USP38: variants seen among roughly 807,000 people sequenced by gnomAD.
USP38 encodes the protein ubiquitin carboxyl-terminal hydrolase 38.
A neutral mutation model predicts 94.3 loss-of-function variants in USP38; 49 were observed. The ratio of observed to expected loss-of-function variants is 0.52; its 90% confidence interval spans 0.41 to 0.66. The LOEUF (loss-of-function observed/expected upper bound fraction) is 0.66. Ranked by LOEUF, USP38 falls within the 30% of genes least tolerant of loss-of-function variation. The pLI, the probability that USP38 is intolerant of heterozygous loss-of-function variation, is 0.00. For synonymous variants in USP38, 468 were observed against 463.6 expected (o/e 1.01, Z -0.12); for missense variants, 1,128 against 1,229.4 (o/e 0.92, Z 1.23).
intron 8 of USP38, among the ~76,000 whole-genome samples, chr4:143,213,063 C>T (rs548953457): frequency 5.9e-5 from 9 of 152,100 alleles, no homozygotes; most frequent in Non-Finnish European, 1.2e-4. Context: ...AATTTAAGAA[C>T]CACTCCTTTA....
Position 143,197,902 on chromosome 4 carries a change from A to G in USP38, c.1028A>G (p.His343Arg). The G allele has an allele frequency of 6.2e-7, 1 of 1,613,728 alleles. No homozygotes were observed. Among genetic ancestry groups the G allele is most frequent in the Non-Finnish European group, 8.5e-7 (1 of 1,179,740 alleles). The change falls in exon 4 of 10, where the codon CAT becomes CGT. Residue 343 changes from histidine (H) to arginine (R), a missense_variant. Coordinates refer to ENST00000307017, the MANE Select transcript of USP38 (RefSeq NM_032557.6). The part of the protein sequence containing the change: ...VLSHMLLSFQ[H>R]SPEAFHLIVP... ...TCTCACATGCTGCTTAGCTTTCAGC[A>G]TTCTCCAGAGGCGTTCCATTTGGTA...
chr4:143,185,374 G>A lies in USP38; in HGVS notation c.-77G>A. 6.8e-7 allele frequency: 1 copy of A among 1,471,728 alleles called. No individual in the cohort carries two copies. The highest frequency in any genetic ancestry group is 9.1e-7 in the Non-Finnish European group (1 of 1,103,626). The allele number at this position is 1,471,728 out of a possible 1,614,324, so 91.2% of individuals were successfully genotyped here. A position where few individuals can be genotyped will look rare whatever the true frequency, so the allele number is the denominator to read the frequency against. ...GGCGCTCCAAGTTCATCTCCGCCCC[G>A]GGGCTCTCCTGCCCCACCTCGGGGC... On this transcript the variant is annotated 5_prime_UTR_variant, in exon 1 of 10. Coordinates refer to ENST00000307017, the MANE Select transcript of USP38 (RefSeq NM_032557.6).
chr4:143,209,489 CAA>C (rs111830994), intron 6 of USP38, 73 bp from the exon 7 acceptor site: 4,961 of 681,566 alleles, frequency 7.3e-3, no homozygotes, highest in Middle Eastern at 0.012. Flanking sequence ...AACTCTGTCT[CAA>C]AAAAAAAAAA....
chr4:143,187,011 C>T (rs184507241), intron 1 of USP38, among the ~76,000 whole-genome samples: 1 of 152,260 alleles, frequency 6.6e-6, no homozygotes, highest in East Asian at 1.9e-4. Flanking sequence ...TTTTAACAAA[C>T]GTTCTGTGTT....
chr4:143,194,240 A>G (rs748265502), intron 2 of USP38, among the ~76,000 whole-genome samples: 15 of 152,208 alleles, frequency 9.9e-5, no homozygotes, highest in Non-Finnish European at 1.6e-4. Context: ...GGCATTCACA[A>G]TGTTTCCAGT....
chr4:143,202,260 C>G (rs1458589532), intron 4 of USP38, among the ~76,000 whole-genome samples: 1 of 152,048 alleles, frequency 6.6e-6, no homozygotes, highest in Non-Finnish European at 1.5e-5. Context: ...GAAGGTAATG[C>G]AAAAGCTACA....
Position 143,201,274 on chromosome 4 carries a change from T to A in USP38, c.1051-2134T>A, listed in dbSNP as rs550485192. The stretch of plus-strand genomic sequence containing the variant: ...TTGACAAAGCTGTCAAAACAAGCAA[T>A]GGGGAAAAGGCTCCCTCTTCAATAA... On this transcript the variant is annotated intron_variant, in intron 4 of 9. Transcript: ENST00000307017. 3.0e-4 allele frequency among the ~76,000 whole-genome samples: 46 copies of A among 152,214 alleles called. 1 individual carries two copies. In the South Asian group the frequency reaches 8.5e-3, roughly 28 times the overall value.
rs1553936167 is a variant in USP38, at chr4:143,222,466, C to CTT, written c.*2010_*2011insTT. On this transcript the variant is annotated 3_prime_UTR_variant, in exon 10 of 10. Coordinates refer to ENST00000307017, the MANE Select transcript of USP38 (RefSeq NM_032557.6). ...ATTAGATATGATTGCATAGCACTTA[C>CTT]GTTGTGCTATGTAGTTGTTATATTG... The CTT allele has an allele frequency of 6.6e-6, 1 of 151,968 alleles. No individual in the cohort carries two copies. Among genetic ancestry groups the CTT allele is most frequent in the Non-Finnish European group, 1.5e-5 (1 of 67,942 alleles). The allele number at this position is 151,968 out of a possible 1,614,324, so 9.4% of individuals were successfully genotyped here.
At chr4:143,187,655 G>A (rs1731267470) in intron 1 of USP38, among the ~76,000 whole-genome samples, 171 bp from the exon 2 acceptor site, 1 of 151,942 alleles carries the variant, frequency 6.6e-6, no homozygotes, top group Admixed American at 6.6e-5. Flanking sequence ...TTTCATTCCT[G>A]TAATTTAACA....
chr4:143,204,876 TCTTTA>T (rs1409741105), intron 5 of USP38, among the ~76,000 whole-genome samples: 36 of 152,336 alleles, frequency 2.4e-4, no homozygotes, highest in South Asian at 1.0e-3. Context: ...GGTCTTATTA[TCTTTA>T]CTTCTGTATC....
chr4:143,208,248 A>G (rs1360889837), intron 6 of USP38, among the ~76,000 whole-genome samples: 1 of 152,118 alleles, frequency 6.6e-6, no homozygotes, highest in Admixed American at 6.5e-5. Flanking sequence ...ATGAGATTTA[A>G]TAAATAAGTT....
At chr4:143,189,992 A>G (rs897052251) in intron 2 of USP38, among the ~76,000 whole-genome samples, 6 of 151,826 alleles carry the variant, frequency 4.0e-5, no homozygotes, top group African/African-American at 1.5e-4. Context: ...TTGACTTCCA[A>G]GTCTTTATGT....
chr4:143,199,134 C>T (rs964271369), intron 4 of USP38, among the ~76,000 whole-genome samples: 3 of 152,116 alleles, frequency 2.0e-5, no homozygotes, highest in African/African-American at 7.2e-5. Context: ...TCTACCTCCT[C>T]CCACTCTCCC....
chr4:143,213,454 C>T (rs1732083681), intron 8 of USP38, 127 bp from the exon 9 acceptor site: 2 of 1,106,026 alleles, frequency 1.8e-6, no homozygotes, highest in Non-Finnish European at 1.2e-6. Context: ...TTAATTAAAA[C>T]AGGAAAAACC....
intron 4 of USP38, 107 bp from the exon 5 acceptor site, chr4:143,203,301 C>A: frequency 8.8e-7 from 1 of 1,133,216 alleles, no homozygotes; most frequent in Non-Finnish European, 1.2e-6. Flanking sequence ...ACTGCACATA[C>A]AGAAAAGTAT....
At chr4:143,198,543 A>T (rs1731621208) in intron 4 of USP38, among the ~76,000 whole-genome samples, 1 of 152,198 alleles carries the variant, frequency 6.6e-6, no homozygotes, top group African/African-American at 2.4e-5. Context: ...GTTTTATAGG[A>T]CTAGAAACTC....
chr4:143,187,769 T>C, intron 1 of USP38, 57 bp from the exon 2 acceptor site: 2 of 1,539,744 alleles, frequency 1.3e-6, no homozygotes, highest in African/African-American at 1.4e-5. Flanking sequence ...GTGTTGTTCT[T>C]TTTAAATACT....
chr4:143,215,214 C>G (rs1732152578), intron 9 of USP38: 1 of 408,406 alleles, frequency 2.4e-6, no homozygotes, highest in Non-Finnish European at 4.4e-6. Context: ...ATACAAAATA[C>G]AGAAAGTTTA....
At chr4:143,187,691 A>T in intron 1 of USP38, 135 bp from the exon 2 acceptor site, 1 of 876,116 alleles carries the variant, frequency 1.1e-6, no homozygotes, top group East Asian at 2.7e-5. Context: ...GAGTCTACCC[A>T]TGAGGGTGTA....
Sources: gnomAD v4.1 joint callset for allele counts (sites outside exome capture counted in the v4.1 genomes callset) on GRCh38, gnomAD v4.1.1 for gene constraint, MANE v1.5 for transcripts, NCBI Gene and HGNC (gene_info 2026-07-23, HGNC 2026-07-21) for gene names.